CYRIA: variants seen among roughly 807,000 people sequenced by gnomAD.
The protein encoded by CYRIA is CYFIP-related Rac1 interactor A.
A neutral mutation model predicts 43.9 loss-of-function variants in CYRIA; 15 were observed. The observed-to-expected ratio is 0.34, with a 90% CI of 0.23 to 0.53. The LOEUF (loss-of-function observed/expected upper bound fraction) is 0.53, where lower values mean the gene tolerates loss of function less well. Ranked by LOEUF, CYRIA falls within the 20% of genes least tolerant of loss-of-function variation. CYRIA has a pLI of 0.94. For synonymous variants in CYRIA, 117 were observed against 136.0 expected (o/e 0.86, Z 0.97); for missense variants, 236 against 394.2 (o/e 0.60, Z 3.40).
chr2:16,626,527 T>A (rs1259535903), intron 1 of CYRIA, among the ~76,000 whole-genome samples: 1 of 152,124 alleles, frequency 6.6e-6, no homozygotes, highest in African/African-American at 2.4e-5. Flanking sequence ...GTCCCACAGC[T>A]AATGGCCTCC....
At chr2:16,592,808 G>GA (rs1321340717) in intron 2 of CYRIA, among the ~76,000 whole-genome samples, 3 of 151,828 alleles carry the variant, frequency 2.0e-5, no homozygotes, top group East Asian at 1.9e-4. Flanking sequence ...CAAAAAAAAA[G>GA]AAAAAAACAA....
At chr2:16,562,444 T>C (rs942658712) in intron 5 of CYRIA, among the ~76,000 whole-genome samples, 6 of 152,160 alleles carry the variant, frequency 3.9e-5, no homozygotes, top group Non-Finnish European at 7.4e-5. Flanking sequence ...CACAGATATG[T>C]GTTTTTGGGT....
chr2:16,570,245 T>C (rs1013211147), intron 3 of CYRIA, among the ~76,000 whole-genome samples: 1 of 152,144 alleles, frequency 6.6e-6, no homozygotes, highest in African/African-American at 2.4e-5. Flanking sequence ...TGCACTCAAA[T>C]GGCTTTTGTA....
chr2:16,655,185 A>C (rs1381564488), intron 1 of CYRIA, among the ~76,000 whole-genome samples: 1 of 152,212 alleles, frequency 6.6e-6, no homozygotes, highest in East Asian at 1.9e-4. Flanking sequence ...ATTCAGACCC[A>C]TGGGGAAGAG....
At chr2:16,656,062 A>T (rs1035880696) in intron 1 of CYRIA, among the ~76,000 whole-genome samples, 2 of 152,188 alleles carry the variant, frequency 1.3e-5, no homozygotes, top group African/African-American at 4.8e-5. Context: ...AGCTACACAA[A>T]GGCCAGGGCA....
intron 1 of CYRIA, among the ~76,000 whole-genome samples, chr2:16,643,085 GTTA>G (rs1222124037): frequency 2.0e-5 from 3 of 150,608 alleles, no homozygotes; most frequent in South Asian, 4.2e-4. Context: ...TTTTCTTAAT[GTTA>G]TTACCATAAT....
intron 1 of CYRIA, among the ~76,000 whole-genome samples, chr2:16,660,724 T>G (rs1670230500): frequency 6.6e-6 from 1 of 152,254 alleles, no homozygotes; most frequent in Non-Finnish European, 1.5e-5. Context: ...TTAAAAAATC[T>G]AATTATCTAT....
chr2:16,559,378 T>G, intron 10 of CYRIA, 82 bp downstream of exon 10: 50 of 1,508,170 alleles, frequency 3.3e-5, no homozygotes, highest in African/African-American at 5.5e-5. Flanking sequence ...GGAGAGGTCC[T>G]GAGGTGCCTG....
intron 1 of CYRIA, among the ~76,000 whole-genome samples, chr2:16,634,571 C>T (rs1319728150): frequency 6.6e-6 from 1 of 152,234 alleles, no homozygotes; most frequent in Non-Finnish European, 1.5e-5. Context: ...GGGATAACTC[C>T]ACTCTAACTG....
intron 1 of CYRIA, among the ~76,000 whole-genome samples, chr2:16,632,447 G>C (rs1281331435): frequency 6.6e-6 from 1 of 150,740 alleles, no homozygotes; most frequent in East Asian, 1.9e-4. Flanking sequence ...CACCTCAGGG[G>C]AGTCATTACA....
At position 16,662,174 on chromosome 2, in the gene CYRIA, C is replaced by T. The variant is rs554627655; in HGVS notation, c.-167+3606G>A. ...AAAATTAACCAGCAGTGCTAGGAGC[C>T]TGAGCATGGGCAATTTTTAACCTTC... On this transcript the variant is annotated intron_variant, in intron 1 of 11. Transcript: ENST00000381323. Among the ~76,000 whole-genome samples the T allele has an allele frequency of 5.3e-5, 8 of 152,234 alleles. No homozygotes were observed. In the South Asian group the frequency reaches 1.0e-3, roughly 20 times the overall value.
In CYRIA at chr2:16,559,590, C is replaced by A. The variant is rs1300691275; in HGVS notation, c.711-4G>T. On this transcript the variant is annotated splice_region_variant and splice_polypyrimidine_tract_variant and intron_variant, in intron 9 of 11. Coordinates refer to ENST00000381323, the MANE Select transcript of CYRIA (RefSeq NM_030797.4). ...CGTAAACCTACTTCTGTACTCCCTG[C>A]AAGAGAAGAAACAGCAGTGGCGTCA... 1 of 1,610,918 alleles carries A rather than the reference C, an allele frequency of 6.2e-7. No individual in the cohort carries two copies.
rs1477667860 is a variant in CYRIA at position 16,560,974 on chromosome 2, C to T, written c.710+16G>A. On this transcript the variant is annotated intron_variant, in intron 9 of 11. Coordinates refer to ENST00000381323, the MANE Select transcript of CYRIA (RefSeq NM_030797.4). ...GGTGAAGTCTCAACCACGAATACAT[C>T]TCTGATTTAACTTACGGAGTTTCCA... is the stretch of plus-strand genomic sequence containing the variant. The T allele has an allele frequency of 6.2e-7, 1 of 1,611,100 alleles. No homozygotes were observed. The highest frequency in any genetic ancestry group is 1.3e-5 in the African/African-American group (1 of 74,850).
intron 2 of CYRIA, among the ~76,000 whole-genome samples, chr2:16,609,731 A>G (rs1037488971): frequency 1.3e-5 from 2 of 152,228 alleles, no homozygotes; most frequent in East Asian, 3.8e-4. Context: ...ATATATGTGG[A>G]ATAAATAAGG....
chr2:16,586,315 G>C (rs1016279334), intron 3 of CYRIA, among the ~76,000 whole-genome samples: 5 of 151,990 alleles, frequency 3.3e-5, no homozygotes, highest in Admixed American at 6.6e-5. Context: ...AAGAAGGGTG[G>C]CAAGATATAG....
chr2:16,607,620 G>A (rs772878191), intron 2 of CYRIA, among the ~76,000 whole-genome samples: 1 of 152,006 alleles, frequency 6.6e-6, no homozygotes, highest in Non-Finnish European at 1.5e-5. Context: ...GATGGAGTCT[G>A]CTCTGTCATC....
chr2:16,652,929 G>T (rs536518855), intron 1 of CYRIA, among the ~76,000 whole-genome samples: 1 of 152,300 alleles, frequency 6.6e-6, no homozygotes, highest in East Asian at 1.9e-4. Flanking sequence ...TTTACAGCCA[G>T]CATTTCTTCA....
In CYRIA at chr2:16,625,563, G is replaced by A. The variant is rs532672168; in HGVS notation, c.-166-1544C>T. 3.9e-5 allele frequency among the ~76,000 whole-genome samples: 6 copies of A among 152,302 alleles called. No individual in the cohort carries two copies. The South Asian group carries it at 1.0e-3, about 26-fold the overall frequency. On this transcript the variant is annotated intron_variant, in intron 1 of 11. Transcript: ENST00000381323. ...ACCGGATTGTGATGGTAACAGGGCA[G>A]GGCAAAGACGTTTACTTCCTCCAAA...
intron 1 of CYRIA, among the ~76,000 whole-genome samples, chr2:16,640,667 G>A (rs1038655351): frequency 6.6e-6 from 1 of 152,140 alleles, no homozygotes; most frequent in African/African-American, 2.4e-5. Context: ...GATGCTGCAG[G>A]CACTGGATCA....
Sources: gnomAD v4.1 joint callset for allele counts (sites outside exome capture counted in the v4.1 genomes callset) on GRCh38, gnomAD v4.1.1 for gene constraint, MANE v1.5 for transcripts, NCBI Gene and HGNC (gene_info 2026-07-23, HGNC 2026-07-21) for gene names.